The following SYCP1 variants were observed in gnomAD, a reference collection of about 807,000 sequenced individuals.
SYCP1 encodes the protein cancer/testis antigen 8.
SYCP1 carries 64 observed loss-of-function variants against 153.1 expected under a neutral mutation model. That is an observed-to-expected ratio of 0.42 (90% CI 0.34 to 0.51). The LOEUF (loss-of-function observed/expected upper bound fraction) is 0.51, where lower values mean the gene tolerates loss of function less well. Among genes scored for constraint, SYCP1 ranks in the 20% least tolerant of loss-of-function variants. The pLI is 0.06. For synonymous variants in SYCP1, 384 were observed against 341.8 expected (o/e 1.12, Z -1.36); for missense variants, 997 against 1,049.0 (o/e 0.95, Z 0.68).
chr1:114,977,437 A>G (rs1471877317), intron 27 of SYCP1, 120 bp from the exon 28 acceptor site: 2 of 611,900 alleles, frequency 3.3e-6, no homozygotes, highest in Non-Finnish European at 5.3e-6. Context: ...TTATTACTTT[A>G]TAAGATTGAG....
At chr1:114,861,220 G>C (rs942935695) in intron 8 of SYCP1, among the ~76,000 whole-genome samples, 14 of 152,068 alleles carry the variant, frequency 9.2e-5, no homozygotes, top group African/African-American at 3.1e-4. Flanking sequence ...AATCTAAATA[G>C]AATTCTCAAA....
At chr1:114,908,148 A>T (rs2101656759) in intron 16 of SYCP1, among the ~76,000 whole-genome samples, 1 of 150,752 alleles carries the variant, frequency 6.6e-6, no homozygotes, top group African/African-American at 2.4e-5. Context: ...TTCTTTTTGA[A>T]TATATTATTT....
Position 114,865,066 on chromosome 1 carries a change from A to G in SYCP1, c.598+4257A>G, listed in dbSNP as rs887495489. On this transcript the variant is annotated intron_variant, in intron 8 of 31. Coordinates refer to ENST00000369522, the MANE Select transcript of SYCP1 (RefSeq NM_003176.4). ...TTGTTATTGTATTTACTGGTTGAGT[A>G]TTAGCTAGTTCTTTAAAAATTTGTA... Among the ~76,000 whole-genome samples the G allele has an allele frequency of 4.6e-5, 7 of 152,284 alleles. No individual in the cohort carries two copies. The East Asian group carries it at 5.8e-4, about 13-fold the overall frequency.
At position 114,969,698 on chromosome 1, in the gene SYCP1, C is replaced by A. The variant is rs150125466; in HGVS notation, c.2323-7859C>A. ...TTCATGTGCAACTGGGGTACAAAAA[C>A]AAACACCTTCAGCTAGCTAGGTGTC... On this transcript the variant is annotated intron_variant, in intron 27 of 31. Coordinates refer to ENST00000369522, the MANE Select transcript of SYCP1 (RefSeq NM_003176.4). Among the ~76,000 whole-genome samples the A allele has an allele frequency of 6.4e-3, 971 of 152,248 alleles. 9 individuals carry two copies. The highest frequency in any genetic ancestry group is 0.022 in the African/African-American group (913 of 41,554).
At chr1:114,864,089 T>C (rs923640504) in intron 8 of SYCP1, among the ~76,000 whole-genome samples, 2 of 150,350 alleles carry the variant, frequency 1.3e-5, no homozygotes, top group East Asian at 1.9e-4. Flanking sequence ...TGTATAGCTA[T>C]GTAACAAAGC....
rs149808628 is a variant in SYCP1, at chr1:114,867,448, T to A, written c.598+6639T>A. 2.7e-3 allele frequency among the ~76,000 whole-genome samples: 412 copies of A among 152,286 alleles called. 1 individual carries two copies. Among genetic ancestry groups the A allele is most frequent in the Non-Finnish European group, 4.5e-3 (307 of 67,994 alleles). Reference sequence around the variant, plus strand: ...TTGTTTTCATCAAAATTTTATAGTTTTCCTCATATAGATCTTGCATGTTTT... The same window carrying A: ...TTGTTTTCATCAAAATTTTATAGTTATCCTCATATAGATCTTGCATGTTTT... On this transcript the variant is annotated intron_variant, in intron 8 of 31. Coordinates refer to ENST00000369522, the MANE Select transcript of SYCP1 (RefSeq NM_003176.4).
intron 8 of SYCP1, among the ~76,000 whole-genome samples, chr1:114,865,170 A>G (rs2101351200): frequency 6.6e-6 from 1 of 151,804 alleles, no homozygotes; most frequent in Admixed American, 6.6e-5. Context: ...TAATAAACAT[A>G]GTTGTATCCA....
At chr1:114,938,541 G>A (rs371608431) in intron 23 of SYCP1, among the ~76,000 whole-genome samples, 2 of 151,026 alleles carry the variant, frequency 1.3e-5, no homozygotes, top group East Asian at 1.9e-4. Context: ...AGAACTTAAA[G>A]TATAATTAAA....
intron 8 of SYCP1, among the ~76,000 whole-genome samples, chr1:114,864,428 CTG>C (rs2101343312): frequency 6.6e-6 from 1 of 152,092 alleles, no homozygotes; most frequent in African/African-American, 2.4e-5. Context: ...ATTTCTGACT[CTG>C]TATTTTTCAT....
At chr1:114,910,169 T>G (rs76690549) in intron 16 of SYCP1, 4,393 of 281,918 alleles carry the variant, frequency 0.016, 228 homozygotes, top group African/African-American at 0.093. Context: ...GAGAAATTAA[T>G]CATCTGTAAC....
intron 27 of SYCP1, among the ~76,000 whole-genome samples, chr1:114,961,483 T>C (rs540582003): frequency 6.6e-6 from 1 of 152,228 alleles, no homozygotes; most frequent in African/African-American, 2.4e-5. Flanking sequence ...TTTAATGCTA[T>C]GAACTTTCCT....
chr1:114,966,694 T>G (rs2101899830), intron 27 of SYCP1, among the ~76,000 whole-genome samples: 1 of 151,840 alleles, frequency 6.6e-6, no homozygotes, highest in African/African-American at 2.4e-5. Context: ...TCTTTCTTTT[T>G]TTTTTTTTTA....
intron 27 of SYCP1, among the ~76,000 whole-genome samples, chr1:114,948,378 G>T (rs11807557): frequency 0.031 from 4,771 of 152,268 alleles, 125 homozygotes; most frequent in Non-Finnish European, 0.042. Context: ...TACGTAGTAA[G>T]AGAGCAGAAT....
At chr1:114,947,724 A>G (rs1306563205) in intron 27 of SYCP1, among the ~76,000 whole-genome samples, 1 of 142,668 alleles carries the variant, frequency 7.0e-6, no homozygotes, top group Non-Finnish European at 1.5e-5. Flanking sequence ...GAGGCAGGAG[A>G]ATGGCGTGAA....
chr1:114,987,851 G>A lies in SYCP1; in HGVS notation c.2703+2983G>A, dbSNP rs1673624280. 6.6e-5 allele frequency among the ~76,000 whole-genome samples: 10 copies of A among 151,402 alleles called. No individual in the cohort carries two copies. In the South Asian group the frequency reaches 2.1e-3, roughly 31 times the overall value. On this transcript the variant is annotated intron_variant, in intron 30 of 31. Coordinates refer to ENST00000369522, the MANE Select transcript of SYCP1 (RefSeq NM_003176.4). ...TCTTAAAGTAGCTCAAATTGCTAAAGGAAGACATGGACAAAGAAAAAAAAA... is the reference window on the plus strand; with the variant it reads ...TCTTAAAGTAGCTCAAATTGCTAAAAGAAGACATGGACAAAGAAAAAAAAA...
chr1:114,871,553 T>G (rs1349208881), intron 8 of SYCP1, among the ~76,000 whole-genome samples: 1 of 152,090 alleles, frequency 6.6e-6, no homozygotes, highest in African/African-American at 2.4e-5. Flanking sequence ...AATACATTGT[T>G]GCTATTTTTT....
intron 27 of SYCP1, among the ~76,000 whole-genome samples, chr1:114,955,656 C>CAA (rs1176377501): frequency 1.3e-5 from 2 of 152,176 alleles, no homozygotes; most frequent in Non-Finnish European, 2.9e-5. Context: ...TGCACCTATC[C>CAA]AGTCAAAATC....
intron 27 of SYCP1, among the ~76,000 whole-genome samples, chr1:114,948,518 A>G (rs1348475906): frequency 6.6e-6 from 1 of 152,188 alleles, no homozygotes. Flanking sequence ...TGTTTCCTGC[A>G]TTTAATTCCT....
Position 114,899,272 on chromosome 1 carries a change from C to T in SYCP1, c.1320+3763C>T, listed in dbSNP as rs763443835. 1.4e-4 allele frequency among the ~76,000 whole-genome samples: 21 copies of T among 152,112 alleles called. 1 individual carries two copies. The highest frequency in any genetic ancestry group is 7.9e-4 in the Admixed American group (12 of 15,272). ...TCTAAATTTTGTTCACAAGAGTATA[C>T]CTTACTCAATTATTAAAGGCTGTAA... On this transcript the variant is annotated intron_variant, in intron 16 of 31. Coordinates refer to ENST00000369522, the MANE Select transcript of SYCP1 (RefSeq NM_003176.4).
Sources: allele counts gnomAD v4.1 joint callset (sites outside exome capture counted in the v4.1 genomes callset), GRCh38; gene constraint gnomAD v4.1.1; transcripts MANE v1.5; gene names NCBI Gene and HGNC (gene_info 2026-07-23, HGNC 2026-07-21).